Variants in FXYD6 observed in about 807,000 individuals in gnomAD.
The protein encoded by FXYD6 is FXYD domain-containing ion transport regulator 6.
In FXYD6, 7 loss-of-function variants were observed where a neutral mutation model predicts 16.7. That is an observed-to-expected ratio of 0.42 (90% confidence interval 0.24 to 0.79). The LOEUF (loss-of-function observed/expected upper bound fraction) is 0.79, where lower values mean the gene tolerates loss of function less well. FXYD6 is among the 30% of genes least tolerant of loss of function. FXYD6 has a pLI of 0.28. For synonymous variants in FXYD6, 49 were observed against 43.0 expected, an observed-to-expected ratio of 1.14 and a Z score of -0.54; for missense variants, 111 against 116.2, an observed-to-expected ratio of 0.95 and a Z score of 0.21.
intron 1 of FXYD6, among the ~76,000 whole-genome samples, chr11:117,844,658 C>A (rs1228874132): frequency 3.3e-5 from 5 of 152,068 alleles, no homozygotes; most frequent in African/African-American, 7.2e-5. Flanking sequence ...CCACACCCAG[C>A]TAATTTTTTG....
intron 1 of FXYD6, among the ~76,000 whole-genome samples, chr11:117,868,719 C>T (rs900766689): frequency 2.0e-5 from 3 of 152,088 alleles, no homozygotes; most frequent in Admixed American, 1.3e-4. Flanking sequence ...AATGTAAGAT[C>T]GTAATAATAG....
chr11:117,864,287 C>A (rs2056968253), intron 1 of FXYD6, among the ~76,000 whole-genome samples: 1 of 152,180 alleles, frequency 6.6e-6, no homozygotes, highest in Non-Finnish European at 1.5e-5. Context: ...AAATAACCCT[C>A]ACATATGTGG....
At chr11:117,852,942 T>C (rs187620852) in intron 1 of FXYD6, among the ~76,000 whole-genome samples, 6 of 152,382 alleles carry the variant, frequency 3.9e-5, no homozygotes, top group Admixed American at 6.5e-5. Flanking sequence ...TCAATGGTCA[T>C]ATTATTAATT....
chr11:117,856,151 C>A (rs1389398772), intron 1 of FXYD6, among the ~76,000 whole-genome samples: 2 of 152,096 alleles, frequency 1.3e-5, no homozygotes, highest in South Asian at 4.2e-4. Context: ...GTTTCTCCGG[C>A]AATTATCTTC....
intron 1 of FXYD6, among the ~76,000 whole-genome samples, chr11:117,860,518 C>T (rs1427392425): frequency 2.0e-5 from 3 of 152,164 alleles, no homozygotes; most frequent in African/African-American, 7.2e-5. Context: ...GCCAGCTCAC[C>T]CCTGAGAAAG....
At chr11:117,841,462 G>A (rs529795535) in intron 4 of FXYD6, 192 of 587,222 alleles carry the variant, frequency 3.3e-4, no homozygotes, top group African/African-American at 3.1e-3. Flanking sequence ...CAACAAACTC[G>A]GAGGCACATC....
chr11:117,864,734 C>T (rs190291463), intron 1 of FXYD6, among the ~76,000 whole-genome samples: 1 of 152,186 alleles, frequency 6.6e-6, no homozygotes, highest in African/African-American at 2.4e-5. Flanking sequence ...TTACAGGCAC[C>T]TGCTACCACA....
At chr11:117,840,661 G>A (rs1294082713) in intron 5 of FXYD6, among the ~76,000 whole-genome samples, 1 of 152,132 alleles carries the variant, frequency 6.6e-6, no homozygotes, top group Non-Finnish European at 1.5e-5. Flanking sequence ...GGACTTCTGG[G>A]GTCCAAGCTA....
intron 1 of FXYD6, among the ~76,000 whole-genome samples, chr11:117,864,224 T>C (rs985182741): frequency 1.3e-5 from 2 of 152,204 alleles, no homozygotes; most frequent in African/African-American, 4.8e-5. Context: ...ATCAAAACAG[T>C]GTGTGACATA....
chr11:117,844,971 G>GT (rs2056438968), intron 1 of FXYD6, among the ~76,000 whole-genome samples: 1 of 152,084 alleles, frequency 6.6e-6, no homozygotes, highest in Non-Finnish European at 1.5e-5. Context: ...AGATCTCATA[G>GT]TAAGTGTTCT....
chr11:117,860,051 G>GA (rs751579407), intron 1 of FXYD6, among the ~76,000 whole-genome samples: 62 of 152,298 alleles, frequency 4.1e-4, no homozygotes, highest in Non-Finnish European at 5.0e-4. Flanking sequence ...ATTTTACAGG[G>GA]AAAGAAACTG....
chr11:117,839,432 C>A, intron 7 of FXYD6: 1 of 322,904 alleles, frequency 3.1e-6, no homozygotes, highest in South Asian at 1.3e-4. Context: ...TTCTGAGTCA[C>A]CACGGAAAGC....
chr11:117,872,583 T>C lies in FXYD6; in HGVS notation c.-6+4009A>G, dbSNP rs1242238838. On this transcript the variant is annotated intron_variant, in intron 1 of 7. Transcript: ENST00000526014. This position sits in a 1 kb window ranked among gnomAD's most constrained non-coding sequence, Gnocchi z 4.9. ...TGTCCTCCAGCTGCGTGGGGGTCAC[T>C]GTTATTCTAACTACACCCCTTCATC... 6.6e-6 allele frequency among the ~76,000 whole-genome samples: 1 copy of C among 152,222 alleles called. No individual in the cohort carries two copies. Among genetic ancestry groups the C allele is most frequent in the Non-Finnish European group, 1.5e-5 (1 of 68,038 alleles).
At chr11:117,857,467 T>C (rs1474856315) in intron 1 of FXYD6, among the ~76,000 whole-genome samples, 1 of 149,476 alleles carries the variant, frequency 6.7e-6, no homozygotes, top group Non-Finnish European at 1.5e-5. Flanking sequence ...TGGAGTGCAG[T>C]GGCGCAATCT....
chr11:117,873,663 T>C (rs1418258600), intron 1 of FXYD6, among the ~76,000 whole-genome samples: 2 of 152,156 alleles, frequency 1.3e-5, no homozygotes, highest in African/African-American at 4.8e-5. Context: ...GGGGGCTGCC[T>C]GGCACAGTCT....
intron 1 of FXYD6, among the ~76,000 whole-genome samples, chr11:117,849,305 T>A (rs1212921355): frequency 6.6e-6 from 1 of 152,232 alleles, no homozygotes; most frequent in Non-Finnish European, 1.5e-5. Context: ...TAGTGATTTT[T>A]ATTTGCTTTT....
chr11:117,840,621 G>T (rs1453266834), intron 5 of FXYD6, among the ~76,000 whole-genome samples: 1 of 152,182 alleles, frequency 6.6e-6, no homozygotes, highest in Non-Finnish European at 1.5e-5. Context: ...GGGCCACATG[G>T]GGGCTTGGGT....
chr11:117,864,594 G>A (rs541990446), intron 1 of FXYD6, among the ~76,000 whole-genome samples: 14 of 149,130 alleles, frequency 9.4e-5, no homozygotes, highest in South Asian at 4.3e-4. Context: ...CAAATTGCAC[G>A]TTTTTTTTTT....
intron 1 of FXYD6, among the ~76,000 whole-genome samples, chr11:117,873,954 T>A (rs2057196885): frequency 6.6e-6 from 1 of 152,168 alleles, no homozygotes; most frequent in East Asian, 1.9e-4. Context: ...TCTCCCTCCA[T>A]AGGTTTCCAT....
Sources: allele counts gnomAD v4.1 joint callset (sites outside exome capture counted in the v4.1 genomes callset), GRCh38; gene constraint gnomAD v4.1.1; non-coding constraint Gnocchi (gnomAD v3.1); transcripts MANE v1.5; gene names NCBI Gene and HGNC (gene_info 2026-07-23, HGNC 2026-07-21).